The following LSAMP variants were observed in gnomAD, a reference collection of about 807,000 sequenced individuals.
The protein encoded by LSAMP is limbic system-associated membrane protein.
Under a neutral mutation model 38.6 loss-of-function variants are expected in LSAMP, and 7 were observed. The ratio of observed to expected loss-of-function variants is 0.18; its 90% CI spans 0.10 to 0.34. The LOEUF is 0.34. Among genes scored for constraint, LSAMP ranks in the 10% least tolerant of loss-of-function variants. LSAMP has a pLI of 1.00. For synonymous variants in LSAMP, 154 were observed against 166.8 expected, an observed-to-expected ratio of 0.92 and a Z score of 0.59; for missense variants, 313 against 420.0, an observed-to-expected ratio of 0.75 and a Z score of 2.23.
At chr3:115,970,975 G>A (rs1938999320) in intron 3 of LSAMP, among the ~76,000 whole-genome samples, 1 of 152,142 alleles carries the variant, frequency 6.6e-6, no homozygotes, top group African/African-American at 2.4e-5. Context: ...TATGGGAGCT[G>A]AGGATGGGAG....
At position 116,445,152 on chromosome 3, in the gene LSAMP, T is replaced by A; in HGVS notation, c.-121A>T. 1 of 932,782 alleles carries A rather than the reference T, an allele frequency of 1.1e-6. No homozygotes were observed. The highest frequency in any genetic ancestry group is 1.6e-6 in the Non-Finnish European group (1 of 631,096). The allele number at this position is 932,782 out of a possible 1,614,324, so 57.8% of individuals were successfully genotyped here. On this transcript the variant is annotated 5_prime_UTR_variant, in exon 1 of 7. Coordinates refer to ENST00000490035, the MANE Select transcript of LSAMP (RefSeq NM_002338.5). ...GCGAGCGCAGAGCGGGCTTTGCCAG[T>A]TTATGGTCCTTTCCACTTTGCCTCT...
intron 3 of LSAMP, among the ~76,000 whole-genome samples, chr3:115,951,713 C>G (rs1938295392): frequency 6.6e-6 from 1 of 152,138 alleles, no homozygotes; most frequent in Non-Finnish European, 1.5e-5. Flanking sequence ...TGCATGCTTC[C>G]TGCCCTCAAA....
chr3:115,858,735 T>C (rs1001028971), intron 3 of LSAMP, among the ~76,000 whole-genome samples: 1 of 152,154 alleles, frequency 6.6e-6, no homozygotes, highest in Non-Finnish European at 1.5e-5. Context: ...TGTATATTTG[T>C]GTTTGTGTGG....
chr3:116,060,056 A>C (rs999810130), intron 2 of LSAMP, among the ~76,000 whole-genome samples: 2 of 152,174 alleles, frequency 1.3e-5, no homozygotes, highest in Non-Finnish European at 2.9e-5. Flanking sequence ...AGGAAAAGGC[A>C]AAGGCTTTCT....
At chr3:116,439,538 TA>T (rs57609598) in intron 1 of LSAMP, among the ~76,000 whole-genome samples, 147,829 of 151,426 alleles carry the variant, frequency 0.98, 72,270 homozygotes, top group East Asian at 1. Flanking sequence ...CACACTGGCC[TA>T]AAAAAAAAGA....
At chr3:115,848,739 GT>G (rs1935237992) in intron 4 of LSAMP, among the ~76,000 whole-genome samples, 2 of 152,324 alleles carry the variant, frequency 1.3e-5, no homozygotes, top group East Asian at 3.9e-4. Flanking sequence ...GGGAAAAGGA[GT>G]TGTGAGAAGT....
intron 1 of LSAMP, among the ~76,000 whole-genome samples, chr3:116,154,714 C>T (rs947433624): frequency 6.6e-6 from 1 of 152,088 alleles, no homozygotes; most frequent in Non-Finnish European, 1.5e-5. Context: ...CATCCCTACT[C>T]ATTTTGCTTA....
intron 1 of LSAMP, among the ~76,000 whole-genome samples, chr3:116,100,496 T>A (rs1272740485): frequency 6.6e-6 from 1 of 152,186 alleles, no homozygotes; most frequent in Non-Finnish European, 1.5e-5. Flanking sequence ...ACACCACCTT[T>A]GTTATTCTCA....
intron 1 of LSAMP, among the ~76,000 whole-genome samples, chr3:116,294,816 C>T (rs1159962911): frequency 2.0e-5 from 3 of 152,154 alleles, no homozygotes; most frequent in African/African-American, 7.2e-5. Flanking sequence ...TTCAAACCTG[C>T]TGTGATTAGG....
chr3:116,049,693 CT>C (rs1363747427), intron 2 of LSAMP, among the ~76,000 whole-genome samples: 2 of 152,104 alleles, frequency 1.3e-5, no homozygotes, highest in Non-Finnish European at 2.9e-5. Context: ...AAGGATAGTT[CT>C]GGATTTATAA....
chr3:115,997,955 A>G (rs563711634), intron 3 of LSAMP, among the ~76,000 whole-genome samples: 75 of 147,276 alleles, frequency 5.1e-4, no homozygotes, highest in Non-Finnish European at 9.5e-4. Flanking sequence ...AATATTATAT[A>G]TTATATAATA....
intron 3 of LSAMP, among the ~76,000 whole-genome samples, chr3:116,018,930 C>T (rs1328030486): frequency 1.3e-5 from 2 of 152,096 alleles, no homozygotes; most frequent in Non-Finnish European, 2.9e-5. Context: ...ATGCCAAGGG[C>T]AGGACAATAA....
At chr3:116,250,664 C>A (rs1313293541) in intron 1 of LSAMP, among the ~76,000 whole-genome samples, 1 of 150,120 alleles carries the variant, frequency 6.7e-6, no homozygotes, top group East Asian at 2.0e-4. Flanking sequence ...GAGTTTGAGA[C>A]CAGCCTGGGC....
chr3:116,391,135 C>A lies in LSAMP; in HGVS notation c.155+53742G>T, dbSNP rs148893371. Among the ~76,000 whole-genome samples, 939 of 152,346 alleles carry A rather than the reference C, an allele frequency of 6.2e-3. 10 individuals carry two copies. Among genetic ancestry groups the A allele is most frequent in the African/African-American group, 0.021 (891 of 41,556 alleles). On this transcript the variant is annotated intron_variant, in intron 1 of 6. Coordinates refer to ENST00000490035, the MANE Select transcript of LSAMP (RefSeq NM_002338.5). ...TTCCCATTGGTTATCAATTTTTCTA[C>A]TTCTGTACTGATTTTTCCAGGGAAT... is the stretch of plus-strand genomic sequence containing the variant.
chr3:116,014,496 A>T (rs1270990529), intron 3 of LSAMP, among the ~76,000 whole-genome samples: 4 of 152,224 alleles, frequency 2.6e-5, no homozygotes, highest in Admixed American at 2.6e-4. Flanking sequence ...ATATTGAAAA[A>T]TAAAAAATGC....
At chr3:116,269,204 G>GAGTTTGAATTTC (rs1448331359) in intron 1 of LSAMP, among the ~76,000 whole-genome samples, 3 of 152,010 alleles carry the variant, frequency 2.0e-5, no homozygotes, top group African/African-American at 4.8e-5. Context: ...AATAGCAAGT[G>GAGTTTGAATTTC]AGTTTGAATT....
At position 116,143,874 on chromosome 3, in the gene LSAMP, C is replaced by T. The variant is rs9813259; in HGVS notation, c.156-57318G>A. Among the ~76,000 whole-genome samples, 1,421 of 151,850 alleles carry T rather than the reference C, an allele frequency of 9.4e-3. 19 individuals carry two copies. The highest frequency in any genetic ancestry group is 0.031 in the African/African-American group (1,287 of 41,478). ...TTCTATAACTAAATACTAGGCTGATCAATTTTCAATCTTATTTTAAAAATA... is the reference window on the plus strand; with the variant it reads ...TTCTATAACTAAATACTAGGCTGATTAATTTTCAATCTTATTTTAAAAATA... On this transcript the variant is annotated intron_variant, in intron 1 of 6. Transcript: ENST00000490035.
intron 2 of LSAMP, among the ~76,000 whole-genome samples, chr3:116,021,808 T>C (rs1416498296): frequency 6.6e-6 from 1 of 150,992 alleles, no homozygotes; most frequent in Non-Finnish European, 1.5e-5. Context: ...AATCTCTCTC[T>C]CTCGGTGTTT....
intron 1 of LSAMP, among the ~76,000 whole-genome samples, chr3:116,383,242 C>G (rs2048585029): frequency 6.6e-6 from 1 of 152,134 alleles, no homozygotes; most frequent in South Asian, 2.1e-4. Context: ...TCTGAAACCT[C>G]TATTTTCTAC....
Sources: allele counts gnomAD v4.1 joint callset (sites outside exome capture counted in the v4.1 genomes callset), GRCh38; gene constraint gnomAD v4.1.1; transcripts MANE v1.5; gene names NCBI Gene and HGNC (gene_info 2026-07-23, HGNC 2026-07-21).